The following CLSPN variants were observed in gnomAD, a reference collection of about 807,000 sequenced individuals.
CLSPN encodes claspin.
In CLSPN, 85 loss-of-function variants were observed where a neutral mutation model predicts 156.3. The observed-to-expected ratio is 0.54, with a 90% CI of 0.46 to 0.65. The LOEUF is 0.65. CLSPN is among the 30% of genes least tolerant of loss of function. The pLI, the probability that CLSPN is intolerant of heterozygous loss-of-function variation, is 0.00. For missense variants in CLSPN, 1,407 were observed against 1,554.9 expected (o/e 0.90, Z 1.60); for synonymous variants, 534 against 542.4 (o/e 0.98, Z 0.22).
chr1:35,724,376 G>T (rs1641134434), intron 24 of CLSPN, among the ~76,000 whole-genome samples: 2 of 152,228 alleles, frequency 1.3e-5, no homozygotes, highest in Non-Finnish European at 2.9e-5. Context: ...CTGGAGCTCG[G>T]TGGGAAATGG....
At chr1:35,738,381 C>A in intron 21 of CLSPN, 74 bp downstream of exon 21, 1 of 1,473,058 alleles carries the variant, frequency 6.8e-7, no homozygotes, top group East Asian at 2.3e-5. Context: ...TCATGACAAG[C>A]TAAGATTTTG....
At position 35,762,311 on chromosome 1, in the gene CLSPN, T is replaced by C. The variant is rs569885788; in HGVS notation, c.822+93A>G. The C allele has an allele frequency of 1.0e-5, 12 of 1,178,376 alleles. No homozygotes were observed. In the South Asian group the frequency reaches 1.5e-4, roughly 15 times the overall value. 73.0% of individuals were successfully genotyped at this position (1,178,376 alleles called of 1,614,324 possible). ...AGCAATATGATGGGTAACAGAAAAA[T>C]ATGATAGACAAAATAAAATATTTAT... On this transcript the variant is annotated intron_variant, in intron 5 of 24. Transcript: ENST00000318121.
intron 8 of CLSPN, among the ~76,000 whole-genome samples, chr1:35,755,429 G>C (rs1642241751): frequency 6.6e-6 from 1 of 152,020 alleles, no homozygotes; most frequent in Non-Finnish European, 1.5e-5. Flanking sequence ...ACCACACCCA[G>C]CTAATTTTTT....
At position 35,764,583 on chromosome 1, in the gene CLSPN, T is replaced by C; in HGVS notation, c.265A>G (p.Lys89Glu). 1 of 1,614,028 alleles carries C rather than the reference T, an allele frequency of 6.2e-7. No individual in the cohort carries two copies. Among genetic ancestry groups the C allele is most frequent in the South Asian group, 1.1e-5 (1 of 91,062 alleles). Residue 89 changes from lysine to glutamate, a missense_variant, in exon 3 of 25, where the codon AAA becomes GAA. By Grantham distance (56) the Lys-to-Glu change is moderately conservative (BLOSUM62 1). Coordinates refer to ENST00000318121, the MANE Select transcript of CLSPN (RefSeq NM_022111.4). ...TTYDSAEEEN[K>E]ENLYAGKNTK... is the part of the protein sequence containing the mutation. Reference sequence around the variant, plus strand: ...TTTTTCCCAGCATATAAATTCTCTTTATTTTCCTCCTCGGCACTGTCATAG... The same window carrying C: ...TTTTTCCCAGCATATAAATTCTCTTCATTTTCCTCCTCGGCACTGTCATAG...
Position 35,765,321 on chromosome 1 carries a change from G to A in CLSPN, c.30C>T (p.His10=). 2 of 1,610,030 alleles carry A rather than the reference G, an allele frequency of 1.2e-6. No individual in the cohort carries two copies. Among genetic ancestry groups the A allele is most frequent in the Non-Finnish European group, 1.7e-6 (2 of 1,176,814 alleles). Residue 10 remains histidine, a synonymous_variant, in exon 2 of 25, where the codon CAC becomes CAT. Coordinates refer to ENST00000318121, the MANE Select transcript of CLSPN (RefSeq NM_022111.4). ...TGACGTTTGGGTCATTGATTTCTAG[G>A]TGAACCTAGAAAATGACAATATACT... The part of the protein sequence containing the change: MTGEVGSEV[H]LEINDPNVIS...
At chr1:35,721,010 G>C in intron 24 of CLSPN, 1 of 1,474,456 alleles carries the variant, frequency 6.8e-7, no homozygotes, top group Non-Finnish European at 9.4e-7. Flanking sequence ...AGACGAGGCA[G>C]GGAAGAAACA....
chr1:35,724,321 G>C (rs1212141253), intron 24 of CLSPN, among the ~76,000 whole-genome samples: 2 of 152,160 alleles, frequency 1.3e-5, no homozygotes, highest in Non-Finnish European at 2.9e-5. Flanking sequence ...ATAGGAGACT[G>C]CATTTTCAGA....
chr1:35,720,998 G>A (rs1477450746), intron 24 of CLSPN: 1 of 1,557,910 alleles, frequency 6.4e-7, no homozygotes, highest in Non-Finnish European at 8.8e-7. Flanking sequence ...GAAATTAAAG[G>A]AAGACGAGGC....
At chr1:35,745,058 C>T (rs1306666418) in intron 16 of CLSPN, among the ~76,000 whole-genome samples, 3 of 152,110 alleles carry the variant, frequency 2.0e-5, no homozygotes, top group Non-Finnish European at 4.4e-5. Context: ...GATGATCCAC[C>T]GTGCCTGGCC....
chr1:35,721,317 C>T (rs962222194), intron 24 of CLSPN, among the ~76,000 whole-genome samples: 41 of 152,092 alleles, frequency 2.7e-4, no homozygotes, highest in Admixed American at 2.6e-3. Flanking sequence ...TACCAGGAGC[C>T]GAAATCCCAG....
intron 3 of CLSPN, 33 bp downstream of exon 3, chr1:35,764,233 C>A: frequency 1.4e-6 from 2 of 1,387,538 alleles, no homozygotes; most frequent in South Asian, 1.4e-5. Flanking sequence ...GTTAACCTAC[C>A]CAAGCAATAG....
At position 35,739,596 on chromosome 1, in the gene CLSPN, A is replaced by G. The variant is rs1641622350; in HGVS notation, c.3144-67T>C. ...ATACTCACAGAATATGGAAGCAAAG[A>G]AAAGCAGAACAGAGTCACTTCTAAT... On this transcript the variant is annotated intron_variant, in intron 18 of 24. Transcript: ENST00000318121. 5.6e-6 allele frequency: 7 copies of G among 1,252,134 alleles called. No homozygotes were observed. In the South Asian group the frequency reaches 9.6e-5, roughly 17 times the overall value. The allele number at this position is 1,252,134 out of a possible 1,614,324, so 77.6% of individuals were successfully genotyped here.
rs546923617 is a variant in CLSPN at position 35,746,579 on chromosome 1, G to A, written c.2854+187C>T. 9.7e-5 allele frequency among the ~76,000 whole-genome samples: 14 copies of A among 143,740 alleles called. No individual in the cohort carries two copies. The highest frequency in any genetic ancestry group is 2.2e-4 in the South Asian group (1 of 4,528). The allele number at this position is 143,740 out of a possible 152,430, so 94.3% of individuals were successfully genotyped here. The stretch of plus-strand genomic sequence containing the variant: ...CTGGCTAATTTTTTTTTTTTTTTTC[G>A]TAGAGATGGGGATTTGCCATGTTGC... On this transcript the variant is annotated intron_variant, in intron 15 of 24. Coordinates refer to ENST00000318121, the MANE Select transcript of CLSPN (RefSeq NM_022111.4). This position sits in a 1 kb window ranked among gnomAD's most constrained non-coding sequence, Gnocchi z 4.2.
intron 24 of CLSPN, among the ~76,000 whole-genome samples, chr1:35,723,722 G>T (rs1641121233): frequency 6.6e-6 from 1 of 152,206 alleles, no homozygotes; most frequent in Admixed American, 6.5e-5. Context: ...ATGGTGTGTT[G>T]GCTCATGCCT....
chr1:35,755,957 T>TA lies in CLSPN; in HGVS notation c.1580-2022dup, dbSNP rs535702448. ...TGGCCTCAAAGCGAACTTCCCACCT[T>TA]AGTCTCCCAAAGTGCTGGGACTATA... is the stretch of plus-strand genomic sequence containing the variant. On this transcript the variant is annotated intron_variant, in intron 8 of 24. Coordinates refer to ENST00000318121, the MANE Select transcript of CLSPN (RefSeq NM_022111.4). 1.4e-3 allele frequency among the ~76,000 whole-genome samples: 220 copies of TA among 152,218 alleles called. 1 individual carries two copies. The highest frequency in any genetic ancestry group is 5.1e-3 in the African/African-American group (213 of 41,548).
At position 35,735,511 on chromosome 1, in the gene CLSPN, C is replaced by A. The variant is rs1194104953; in HGVS notation, c.*985G>T. 9 of 693,018 alleles carry A rather than the reference C, an allele frequency of 1.3e-5. No individual in the cohort carries two copies. The highest frequency in any genetic ancestry group is 1.6e-5 in the Non-Finnish European group (9 of 563,548). The allele number at this position is 693,018 out of a possible 1,614,324, so 42.9% of individuals were successfully genotyped here. ...TCACTTGAGGTCAGGAGATCGAGAC[C>A]AGCCTGGCCAACATGGTGACTCCCT... On this transcript the variant is annotated 3_prime_UTR_variant, in exon 25 of 25. Transcript: ENST00000318121.
rs906576949 is a variant in CLSPN, at chr1:35,736,311, G to C, written c.*185C>G. On this transcript the variant is annotated 3_prime_UTR_variant, in exon 25 of 25. Coordinates refer to ENST00000318121, the MANE Select transcript of CLSPN (RefSeq NM_022111.4). ...GAATTGAAATCAGTGGCCAATTCAG[G>C]GAATAATACTAGGAAAAGAGATGTC... 8.1e-7 allele frequency: 1 copy of C among 1,228,206 alleles called. No homozygotes were observed. The allele number at this position is 1,228,206 out of a possible 1,614,324, so 76.1% of individuals were successfully genotyped here. A position where few individuals can be genotyped will look rare whatever the true frequency, so the allele number is the denominator to read the frequency against.
chr1:35,736,966 T>C lies in CLSPN; in HGVS notation c.3857A>G (p.His1286Arg). 2 of 1,614,166 alleles carry C rather than the reference T, an allele frequency of 1.2e-6. No homozygotes were observed. Among genetic ancestry groups the C allele is most frequent in the Non-Finnish European group, 8.5e-7 (1 of 1,180,012 alleles). Residue 1286 changes from histidine (H) to arginine (R), a missense_variant, in exon 24 of 25, where the codon CAT becomes CGT. By Grantham distance (29) the His-to-Arg change is conservative. Transcript: ENST00000318121. The stretch of plus-strand genomic sequence containing the variant: ...CTCAGCCTTGACAGGAGAAAGTGTA[T>C]GAAAGACAAAGTTTCTTGAATTTCG... Reference protein sequence around the residue: ...APRNSRNFVFHTLSPVKAEAA... With the variant: ...APRNSRNFVFRTLSPVKAEAA...
chr1:35,733,354 C>A lies in CLSPN; in HGVS notation c.*3142G>T. On this transcript the variant is annotated 3_prime_UTR_variant, in exon 25 of 25. Coordinates refer to ENST00000318121, the MANE Select transcript of CLSPN (RefSeq NM_022111.4). ...TTTTTTTTTAGAGTTGGGATTTCAC[C>A]ATGTTTCCCAGGCTGGTCTCGAACT... The A allele has an allele frequency of 7.8e-6, 2 of 256,142 alleles. No homozygotes were observed. Among genetic ancestry groups the A allele is most frequent in the Non-Finnish European group, 1.2e-5 (2 of 166,264 alleles). 15.9% of individuals were successfully genotyped at this position (256,142 alleles called of 1,614,324 possible). A position where few individuals can be genotyped will look rare whatever the true frequency, so the allele number is the denominator to read the frequency against.
Sources: allele counts gnomAD v4.1 joint callset (sites outside exome capture counted in the v4.1 genomes callset), GRCh38; gene constraint gnomAD v4.1.1; non-coding constraint Gnocchi (gnomAD v3.1); transcripts MANE v1.5; gene names NCBI Gene and HGNC (gene_info 2026-07-23, HGNC 2026-07-21).